DGUOK: variants seen among roughly 807,000 people sequenced by gnomAD.
DGUOK encodes deoxyguanosine kinase, also known as deoxyguanosine kinase, mitochondrial.
In DGUOK, 30 loss-of-function variants were observed where a neutral mutation model predicts 36.6. The observed-to-expected ratio is 0.82, with a 90% CI of 0.61 to 1.11. The LOEUF is 1.11. DGUOK is among the 50% of genes most tolerant of loss of function. DGUOK has a pLI of 0.00. For missense variants in DGUOK, 361 were observed against 336.4 expected, an observed-to-expected ratio of 1.07 and a Z score of -0.57; for synonymous variants, 145 against 126.3, an observed-to-expected ratio of 1.15 and a Z score of -0.99.
At chr2:73,944,980 T>C (rs758993476) in intron 2 of DGUOK, among the ~76,000 whole-genome samples, 4 of 152,150 alleles carry the variant, frequency 2.6e-5, no homozygotes, top group East Asian at 1.9e-4. Context: ...AGGAGGGAAA[T>C]CCCGAAAATA....
intron 1 of DGUOK, among the ~76,000 whole-genome samples, chr2:73,934,933 C>T (rs1037399970): frequency 3.3e-5 from 5 of 151,412 alleles, no homozygotes; most frequent in South Asian, 2.1e-4. Context: ...ATTAGCCGGG[C>T]GTGGTGGCAC....
intron 1 of DGUOK, among the ~76,000 whole-genome samples, chr2:73,932,354 G>T (rs1461290239): frequency 6.6e-6 from 1 of 152,164 alleles, no homozygotes; most frequent in Non-Finnish European, 1.5e-5. Context: ...AACTGCTGCA[G>T]CACTTGAGTT....
At position 73,927,018 on chromosome 2, in the gene DGUOK, C is replaced by G; in HGVS notation, c.108C>G (p.Arg36=). The change falls in exon 1 of 7, where the codon CGC becomes CGG. Residue 36 remains arginine (R), a synonymous_variant. Coordinates refer to ENST00000264093, the MANE Select transcript of DGUOK (RefSeq NM_080916.3). ...CCTCCAGAGGCCTGCACGCGGGGCG[C>G]GGGCCCCGAAGGCTCTCCATCGAAG... is the stretch of plus-strand genomic sequence containing the variant. ...VSSSRGLHAG[R]GPRRLSIEGN... is the part of the protein sequence containing the mutation. The G allele has an allele frequency of 6.2e-7, 1 of 1,610,822 alleles. No individual in the cohort carries two copies. The highest frequency in any genetic ancestry group is 2.2e-5 in the East Asian group (1 of 44,888).
At chr2:73,947,041 T>A in intron 3 of DGUOK, 135 bp downstream of exon 3, 1 of 857,576 alleles carries the variant, frequency 1.2e-6, no homozygotes, top group East Asian at 2.6e-5. Flanking sequence ...AAGACAACAC[T>A]ATACAGATTT....
intron 4 of DGUOK, among the ~76,000 whole-genome samples, chr2:73,952,242 C>G (rs985169288): frequency 1.3e-5 from 2 of 152,218 alleles, no homozygotes; most frequent in South Asian, 4.1e-4. Context: ...AAGAACCACA[C>G]TAAAGTTAGA....
chr2:73,957,448 G>A (rs1683196802), intron 5 of DGUOK, among the ~76,000 whole-genome samples: 1 of 152,318 alleles, frequency 6.6e-6, no homozygotes, highest in South Asian at 2.1e-4. Context: ...GGGAGGCTGA[G>A]GCAGTCACCT....
rs1461653526 is a variant in DGUOK, at chr2:73,946,788, A to G, written c.325A>G (p.Thr109Ala). 6.2e-7 allele frequency: 1 copy of G among 1,614,102 alleles called. No individual in the cohort carries two copies. The highest frequency in any genetic ancestry group is 1.7e-5 in the Admixed American group (1 of 60,022). ...MYREPARWSY[T>A]FQTFSFLSRL... The stretch of plus-strand genomic sequence containing the variant: ...CCGGGAGCCAGCACGATGGTCCTAC[A>G]CATTCCAGACATTTTCCTTTTTGAG... The change falls in exon 3 of 7, where the codon ACA (threonine) becomes GCA (alanine). Residue 109 changes from threonine to alanine, a missense_variant. Physicochemically the swap from Thr to Ala is moderately conservative, Grantham distance 58. Coordinates refer to ENST00000264093, the MANE Select transcript of DGUOK (RefSeq NM_080916.3).
At chr2:73,945,848 C>A (rs1682260150) in intron 2 of DGUOK, among the ~76,000 whole-genome samples, 1 of 152,132 alleles carries the variant, frequency 6.6e-6, no homozygotes, top group Admixed American at 6.5e-5. Flanking sequence ...CATGGTGAAA[C>A]CCTGTCTCTA....
At chr2:73,955,464 C>G (rs1320093765) in intron 4 of DGUOK, among the ~76,000 whole-genome samples, 2 of 152,180 alleles carry the variant, frequency 1.3e-5, no homozygotes, top group Non-Finnish European at 2.9e-5. Flanking sequence ...TCTATAATTT[C>G]ATTTCCTTAG....
intron 2 of DGUOK, among the ~76,000 whole-genome samples, chr2:73,940,233 G>C (rs1284970791): frequency 6.6e-6 from 1 of 152,146 alleles, no homozygotes; most frequent in East Asian, 1.9e-4. Context: ...AACACCTCCA[G>C]TTTTCCTCCA....
chr2:73,946,899 A>T lies in DGUOK; in HGVS notation c.436A>T (p.Ser146Cys). The T allele has an allele frequency of 6.2e-7, 1 of 1,611,394 alleles. No homozygotes were observed. Among genetic ancestry groups the T allele is most frequent in the Non-Finnish European group, 8.5e-7 (1 of 1,179,116 alleles). Reference protein sequence around the residue: ...PVQIFERSVYSDRYIFAKNLF... With the variant: ...PVQIFERSVYCDRYIFAKNLF... Reference sequence around the variant, plus strand: ...ACAGATCTTTGAGAGGTCTGTGTACAGTGACAGGTAAAATGCCAAGCCCTC... The same window carrying T: ...ACAGATCTTTGAGAGGTCTGTGTACTGTGACAGGTAAAATGCCAAGCCCTC... The change falls in exon 3 of 7, where the codon AGT (serine) becomes TGT (cysteine). Residue 146 changes from serine to cysteine, a missense_variant. Physicochemically the swap from Ser to Cys is moderately radical, Grantham distance 112. Coordinates refer to ENST00000264093, the MANE Select transcript of DGUOK (RefSeq NM_080916.3).
At chr2:73,941,003 G>A (rs1371379520) in intron 2 of DGUOK, among the ~76,000 whole-genome samples, 1 of 152,210 alleles carries the variant, frequency 6.6e-6, no homozygotes, top group Non-Finnish European at 1.5e-5. Flanking sequence ...TTCTTGCCTT[G>A]AATGCAGCTG....
At chr2:73,951,977 T>C (rs946450746) in intron 4 of DGUOK, among the ~76,000 whole-genome samples, 7 of 152,122 alleles carry the variant, frequency 4.6e-5, no homozygotes, top group African/African-American at 1.7e-4. Context: ...AAGACCAGCA[T>C]AGGCGATATA....
intron 5 of DGUOK, 37 bp from the exon 6 acceptor site, chr2:73,958,108 CT>C (rs1358242868): frequency 4.5e-6 from 7 of 1,545,894 alleles, no homozygotes; most frequent in South Asian, 1.1e-5. Flanking sequence ...AGTTACATTT[CT>C]TTTTTTCTGT....
chr2:73,943,651 G>GT (rs759537449), intron 2 of DGUOK, among the ~76,000 whole-genome samples: 8,102 of 141,522 alleles, frequency 0.057, 582 homozygotes, highest in African/African-American at 0.17. Context: ...AGTTATTCAG[G>GT]TTTTTTTTTT....
intron 2 of DGUOK, among the ~76,000 whole-genome samples, chr2:73,945,908 A>G (rs2104940300): frequency 6.6e-6 from 1 of 152,198 alleles, no homozygotes; most frequent in East Asian, 1.9e-4. Flanking sequence ...CTGTGATCCC[A>G]GCCACTCAGG....
intron 3 of DGUOK, chr2:73,948,003 A>C (rs1682455226): frequency 6.6e-6 from 1 of 152,206 alleles, no homozygotes; most frequent in South Asian, 2.1e-4. Context: ...CCCTAAAATC[A>C]TGGAAGATAT....
chr2:73,927,712 A>C (rs1022788135), intron 1 of DGUOK, among the ~76,000 whole-genome samples: 1 of 152,254 alleles, frequency 6.6e-6, no homozygotes, highest in African/African-American at 2.4e-5. Flanking sequence ...ATTAAAAATT[A>C]TTTTGTTAAA....
chr2:73,939,676 A>G (rs939343991), intron 2 of DGUOK, among the ~76,000 whole-genome samples: 2 of 152,336 alleles, frequency 1.3e-5, no homozygotes, highest in East Asian at 3.9e-4. Flanking sequence ...CTCCTCAGGC[A>G]CCATGAACTG....
Sources: allele counts gnomAD v4.1 joint callset (sites outside exome capture counted in the v4.1 genomes callset), GRCh38; gene constraint gnomAD v4.1.1; transcripts MANE v1.5; gene names NCBI Gene and HGNC (gene_info 2026-07-23, HGNC 2026-07-21).